Variants in NMNAT2 observed in about 807,000 individuals in gnomAD.
NMNAT2 encodes the protein nicotinamide nucleotide adenylyltransferase 2, also known as nicotinamide/nicotinic acid mononucleotide adenylyltransferase 2.
A neutral mutation model predicts 41.6 loss-of-function variants in NMNAT2; 11 were observed. The ratio of observed to expected loss-of-function variants is 0.26; its 90% confidence interval spans 0.17 to 0.44. The LOEUF is 0.44. NMNAT2 is among the 20% of genes least tolerant of loss of function. NMNAT2 has a pLI of 1.00. For synonymous variants in NMNAT2, 148 were observed against 151.2 expected (o/e 0.98, Z 0.16); for missense variants, 288 against 407.7 (o/e 0.71, Z 2.53).
chr1:183,286,218 T>C (rs542722574), intron 5 of NMNAT2, among the ~76,000 whole-genome samples: 4 of 152,232 alleles, frequency 2.6e-5, no homozygotes, highest in African/African-American at 7.2e-5. Context: ...ACTACAGGTG[T>C]GTGCCACCAT....
chr1:183,276,897 G>C (rs1450495781), intron 8 of NMNAT2, among the ~76,000 whole-genome samples: 5 of 152,242 alleles, frequency 3.3e-5, no homozygotes, highest in East Asian at 3.8e-4. Context: ...AATGGTTCCA[G>C]GGTGGAGAGG....
rs1472450279 is a variant in NMNAT2 at position 183,252,060 on chromosome 1, A to G, written c.*581T>C. 1 of 153,714 alleles carries G rather than the reference A, an allele frequency of 6.5e-6. No individual in the cohort carries two copies. The highest frequency in any genetic ancestry group is 1.4e-5 in the Non-Finnish European group (1 of 69,182). 9.5% of individuals were successfully genotyped at this position (153,714 alleles called of 1,614,324 possible). On this transcript the variant is annotated 3_prime_UTR_variant, in exon 11 of 11. Transcript: ENST00000287713. ...TACAATGTCCTATCAGAGGGGAAGT[A>G]ATACCACAGGAGCACATCAAGACTA...
intron 1 of NMNAT2, among the ~76,000 whole-genome samples, chr1:183,367,329 G>A (rs945679001): frequency 1.3e-5 from 2 of 152,118 alleles, no homozygotes; most frequent in Non-Finnish European, 2.9e-5. Context: ...ATGGTGGCAT[G>A]TGCCTGTAGT....
chr1:183,337,386 T>C (rs769211781), intron 1 of NMNAT2, among the ~76,000 whole-genome samples: 5 of 152,080 alleles, frequency 3.3e-5, no homozygotes, highest in Non-Finnish European at 5.9e-5. Flanking sequence ...ACAACAAATT[T>C]ATCTCTTTAA....
At chr1:183,373,619 C>CTT (rs35164473) in intron 1 of NMNAT2, among the ~76,000 whole-genome samples, 2 of 140,472 alleles carry the variant, frequency 1.4e-5, no homozygotes, top group African/African-American at 2.6e-5. Context: ...GAACTTTATT[C>CTT]TTTTTTTTTT....
At chr1:183,320,278 T>G (rs1662332078) in intron 1 of NMNAT2, among the ~76,000 whole-genome samples, 1 of 152,218 alleles carries the variant, frequency 6.6e-6, no homozygotes, top group Admixed American at 6.5e-5. Flanking sequence ...TTGAACATCC[T>G]TTTGGTATTC....
At chr1:183,278,741 G>C in intron 7 of NMNAT2, 112 bp from the exon 8 acceptor site, 1 of 758,546 alleles carries the variant, frequency 1.3e-6, no homozygotes, top group Middle Eastern at 2.5e-4. Context: ...TTGGGGATGT[G>C]GGGCCCAGTT....
At chr1:183,352,888 G>A (rs1663094962) in intron 1 of NMNAT2, among the ~76,000 whole-genome samples, 1 of 152,206 alleles carries the variant, frequency 6.6e-6, no homozygotes, top group South Asian at 2.1e-4. Context: ...AGAATTCTCT[G>A]ACTGCTGCTG....
At chr1:183,351,720 C>T (rs1663050386) in intron 1 of NMNAT2, among the ~76,000 whole-genome samples, 1 of 152,186 alleles carries the variant, frequency 6.6e-6, no homozygotes, top group African/African-American at 2.4e-5. Flanking sequence ...GGAGATATGG[C>T]ATTGGGAATT....
rs965167332 is a variant in NMNAT2 at position 183,405,616 on chromosome 1, C to A, written c.85+12567G>T. 5.9e-5 allele frequency among the ~76,000 whole-genome samples: 9 copies of A among 152,322 alleles called. No individual in the cohort carries two copies. In the East Asian group the frequency reaches 1.5e-3, roughly 26 times the overall value. ...ACATGGCCATGAGGGAGGAGCTAGA[C>A]AAAACTAAGACTTTAAGACATGGAC... On this transcript the variant is annotated intron_variant, in intron 1 of 10. Coordinates refer to ENST00000287713, the MANE Select transcript of NMNAT2 (RefSeq NM_015039.4).
chr1:183,406,900 C>T lies in NMNAT2; in HGVS notation c.85+11283G>A, dbSNP rs1009697588. 2.0e-5 allele frequency among the ~76,000 whole-genome samples: 3 copies of T among 150,024 alleles called. No individual in the cohort carries two copies. The South Asian group carries it at 6.3e-4, about 32-fold the overall frequency. On this transcript the variant is annotated intron_variant, in intron 1 of 10. Transcript: ENST00000287713. ...GTGGCGAGATCTCAGCTCACTGCAA[C>T]CTCCACTTCCTGGGTTCAAGCAATT...
intron 8 of NMNAT2, 64 bp from the exon 9 acceptor site, chr1:183,261,367 C>T: frequency 1.5e-6 from 2 of 1,317,536 alleles, no homozygotes; most frequent in Admixed American, 3.9e-5. Flanking sequence ...CAAGCAACTA[C>T]TTAGCATGGC....
At chr1:183,393,006 T>C (rs1462457634) in intron 1 of NMNAT2, among the ~76,000 whole-genome samples, 1 of 152,242 alleles carries the variant, frequency 6.6e-6, no homozygotes, top group African/African-American at 2.4e-5. Flanking sequence ...GCAAGGATTC[T>C]GTTTTGTTCT....
chr1:183,366,132 A>G (rs1663405435), intron 1 of NMNAT2, among the ~76,000 whole-genome samples: 4 of 152,246 alleles, frequency 2.6e-5, no homozygotes, highest in Admixed American at 2.0e-4. Context: ...CTCCCAATCT[A>G]CTAACTACAT....
At chr1:183,326,892 G>A (rs1260608927) in intron 1 of NMNAT2, among the ~76,000 whole-genome samples, 4 of 152,152 alleles carry the variant, frequency 2.6e-5, no homozygotes, top group African/African-American at 4.8e-5. Context: ...AGATAACCAG[G>A]TGGATGGAAG....
intron 1 of NMNAT2, among the ~76,000 whole-genome samples, chr1:183,337,569 CAAAAAAAAA>C (rs71127343): frequency 9.9e-6 from 1 of 100,652 alleles, no homozygotes; most frequent in Non-Finnish European, 1.9e-5. Context: ...CTCTCCACAG[CAAAAAAAAA>C]AAAAAAAAAA....
chr1:183,326,710 G>A (rs568304484), intron 1 of NMNAT2, among the ~76,000 whole-genome samples: 4 of 152,184 alleles, frequency 2.6e-5, no homozygotes, highest in Non-Finnish European at 4.4e-5. Context: ...CTCATGAAAA[G>A]CACCCTGGGC....
intron 8 of NMNAT2, among the ~76,000 whole-genome samples, chr1:183,261,664 C>T (rs994759722): frequency 1.3e-5 from 2 of 152,136 alleles, no homozygotes; most frequent in Admixed American, 6.5e-5. Context: ...TGGTAAACAC[C>T]CTCTGGAGTG....
At chr1:183,263,739 C>T (rs1348970324) in intron 8 of NMNAT2, among the ~76,000 whole-genome samples, 2 of 152,144 alleles carry the variant, frequency 1.3e-5, no homozygotes, top group Non-Finnish European at 1.5e-5. Context: ...ACCTGAGGGG[C>T]GGAGCTTGCA....
Sources: gnomAD v4.1 joint callset for allele counts (sites outside exome capture counted in the v4.1 genomes callset) on GRCh38, gnomAD v4.1.1 for gene constraint, MANE v1.5 for transcripts, NCBI Gene and HGNC (gene_info 2026-07-23, HGNC 2026-07-21) for gene names.